SLC9D1: variants seen among roughly 807,000 people sequenced by gnomAD.
The protein encoded by SLC9D1 is putative LAG1-interacting protein.
At chr13:113,539,382 T>C in the SLC9D1 span, 4 of 1,613,340 alleles carry the variant, frequency 2.5e-6, no homozygotes, top group South Asian at 4.4e-5. The surrounding 1 kb of genome is among the most constrained non-coding windows in gnomAD (Gnocchi z 4.8). Flanking sequence ...GACGTCTCCA[T>C]GGAGCTGGGC....
the SLC9D1 span, chr13:113,503,516 A>G: frequency 6.2e-7 from 1 of 1,613,426 alleles, no homozygotes; most frequent in Non-Finnish European, 8.5e-7. Flanking sequence ...AAGTGGAGAC[A>G]TTAGGAGAAT....
At chr13:113,500,297 A>C in the SLC9D1 span, 1 of 429,522 alleles carries the variant, frequency 2.3e-6, no homozygotes, top group East Asian at 3.5e-5. Context: ...GATTTGAGGC[A>C]TCTTCCCTTA....
At chr13:113,494,505 A>G in the SLC9D1 span, among the ~76,000 whole-genome samples, 1 of 152,088 alleles carries the variant, frequency 6.6e-6, no homozygotes, top group Non-Finnish European at 1.5e-5. Context: ...TCATTCCCCC[A>G]GCAGTAATGT....
At chr13:113,532,244 G>A in the SLC9D1 span, among the ~76,000 whole-genome samples, 104 of 152,310 alleles carry the variant, frequency 6.8e-4, 1 homozygote, top group African/African-American at 2.3e-3. Flanking sequence ...ATCCGCAGCA[G>A]GGAACCGCCC....
At chr13:113,492,547 GA>G in the SLC9D1 span, among the ~76,000 whole-genome samples, 1 of 152,160 alleles carries the variant, frequency 6.6e-6, no homozygotes, top group Non-Finnish European at 1.5e-5. Flanking sequence ...ATAAAATTGA[GA>G]TTTTTTTTCA....
chr13:113,546,749 G>T, the SLC9D1 span, among the ~76,000 whole-genome samples: 5 of 152,310 alleles, frequency 3.3e-5, no homozygotes, highest in African/African-American at 1.2e-4. The surrounding 1 kb of genome is among the most constrained non-coding windows in gnomAD (Gnocchi z 7.1). Context: ...CAGCACCGCC[G>T]GCCCCTCTGC....
At chr13:113,506,365 T>C in the SLC9D1 span, among the ~76,000 whole-genome samples, 1 of 102,764 alleles carries the variant, frequency 9.7e-6, no homozygotes, top group Non-Finnish European at 1.8e-5. Flanking sequence ...CTGCCTGGCC[T>C]GTGGAGGAAG....
the SLC9D1 span, among the ~76,000 whole-genome samples, chr13:113,496,203 C>A: frequency 6.6e-6 from 1 of 152,144 alleles, no homozygotes; most frequent in Non-Finnish European, 1.5e-5. Context: ...CACAGGAAAT[C>A]GCATCTAGAA....
At chr13:113,494,171 T>C in the SLC9D1 span, among the ~76,000 whole-genome samples, 11 of 152,218 alleles carry the variant, frequency 7.2e-5, no homozygotes, top group African/African-American at 2.2e-4. Context: ...GATGCTGCTA[T>C]GAAGAATGGT....
At chr13:113,548,516 G>C in the SLC9D1 span, 7 of 1,540,276 alleles carry the variant, frequency 4.5e-6, no homozygotes, top group East Asian at 2.3e-5. Flanking sequence ...GGTTTGAGTC[G>C]GGTGTGGCGA....
At chr13:113,498,848 G>C in the SLC9D1 span, among the ~76,000 whole-genome samples, 5 of 152,118 alleles carry the variant, frequency 3.3e-5, 1 homozygote, top group East Asian at 9.6e-4. Context: ...CTACTGGGGT[G>C]TTACCAGAAA....
the SLC9D1 span, chr13:113,505,531 A>T: frequency 6.6e-6 from 1 of 152,380 alleles, no homozygotes; most frequent in East Asian, 1.9e-4. Flanking sequence ...TCAGCAACAG[A>T]GCAAAATATC....
chr13:113,540,528 G>A, the SLC9D1 span, among the ~76,000 whole-genome samples: 134 of 152,336 alleles, frequency 8.8e-4, no homozygotes, highest in African/African-American at 3.0e-3. Flanking sequence ...TGTGTTGGCC[G>A]TGTGAATGTC....
the SLC9D1 span, chr13:113,514,438 G>A: frequency 1.4e-4 from 22 of 152,160 alleles, no homozygotes; most frequent in African/African-American, 5.3e-4. Flanking sequence ...AGGAAGACAT[G>A]AGCCTCGCTA....
the SLC9D1 span, chr13:113,548,379 G>A: frequency 6.2e-7 from 1 of 1,613,662 alleles, no homozygotes; most frequent in South Asian, 1.1e-5. Flanking sequence ...GTCTCTGCGG[G>A]GCTTGCCCAG....
chr13:113,533,929 AT>A, the SLC9D1 span: 13 of 769,344 alleles, frequency 1.7e-5, 1 homozygote, highest in Middle Eastern at 2.4e-4. Flanking sequence ...AAAGATGTGT[AT>A]GATTCAGGTA....
the SLC9D1 span, among the ~76,000 whole-genome samples, chr13:113,506,331 G>T: frequency 8.1e-6 from 1 of 122,968 alleles, no homozygotes; most frequent in Non-Finnish European, 1.6e-5. Context: ...TGGGTGGGGA[G>T]GGTAAGGGGG....
the SLC9D1 span, among the ~76,000 whole-genome samples, chr13:113,497,749 C>T: frequency 6.6e-6 from 1 of 152,250 alleles, no homozygotes; most frequent in African/African-American, 2.4e-5. Context: ...CTTCTAGGCT[C>T]TGGTCCTCTC....
the SLC9D1 span, chr13:113,530,425 A>G: frequency 3.9e-5 from 6 of 152,246 alleles, no homozygotes; most frequent in Non-Finnish European, 7.3e-5. Flanking sequence ...ATAGAAGAAC[A>G]TGAATAGAGA....
Sources: allele counts gnomAD v4.1 joint callset (sites outside exome capture counted in the v4.1 genomes callset), GRCh38; gene constraint gnomAD v4.1.1; non-coding constraint Gnocchi (gnomAD v3.1); transcripts MANE v1.5; gene names NCBI Gene and HGNC (gene_info 2026-07-23, HGNC 2026-07-21).